The following ANK2 variants were observed in gnomAD, a reference collection of about 807,000 sequenced individuals.
ANK2 encodes ankyrin-2.
ANK2 carries 83 observed loss-of-function variants against 360.5 expected under a neutral mutation model. The ratio of observed to expected loss-of-function variants is 0.23; its 90% CI spans 0.19 to 0.28. The LOEUF is 0.28. Ranked by LOEUF, ANK2 falls within the 10% of genes least tolerant of loss-of-function variation. ANK2 has a pLI of 1.00. For synonymous variants in ANK2, 1,740 were observed against 1,759.5 expected (o/e 0.99, Z 0.28); for missense variants, 4,201 against 4,795.7 (o/e 0.88, Z 3.66).
chr4:113,050,413 A>T (rs548118579), intron 1 of ANK2, among the ~76,000 whole-genome samples: 1 of 152,198 alleles, frequency 6.6e-6, no homozygotes, highest in South Asian at 2.1e-4. Context: ...ACAGCTAAAG[A>T]TGTTATGGGG....
rs191920809 is a variant in ANK2, at chr4:113,327,942, G to A, written c.2901-2304G>A. On this transcript the variant is annotated intron_variant, in intron 26 of 45. Transcript: ENST00000357077. The stretch of plus-strand genomic sequence containing the variant: ...ACAGTCAATGACACAATCAGGGCAA[G>A]TAATCTAACCTGTAGTTACTTAAAC... Among the ~76,000 whole-genome samples, 979 of 152,292 alleles carry A rather than the reference G, an allele frequency of 6.4e-3. 6 individuals carry two copies. Among genetic ancestry groups the A allele is most frequent in the Admixed American group, 9.6e-3 (147 of 15,298 alleles).
intron 4 of ANK2, among the ~76,000 whole-genome samples, chr4:113,220,580 A>G (rs2099139254): frequency 6.6e-6 from 1 of 152,088 alleles, no homozygotes; most frequent in Non-Finnish European, 1.5e-5. Flanking sequence ...TTTTGTTTGG[A>G]AATCCAAAGA....
upstream of ANK2, among the ~76,000 whole-genome samples, chr4:113,047,472 A>T (rs2064896243): frequency 6.6e-6 from 1 of 152,146 alleles, no homozygotes; most frequent in South Asian, 2.1e-4. Context: ...ATATTTATCG[A>T]GTAACTGAAT....
intron 1 of ANK2, among the ~76,000 whole-genome samples, chr4:112,856,780 G>T (rs76818515): frequency 5.9e-5 from 9 of 152,234 alleles, no homozygotes; most frequent in Non-Finnish European, 1.2e-4. Context: ...TGCTAGAATG[G>T]TAAGGAAAGA....
chr4:113,277,350 A>G (rs1456793427), intron 15 of ANK2, among the ~76,000 whole-genome samples: 1 of 152,200 alleles, frequency 6.6e-6, no homozygotes, highest in Non-Finnish European at 1.5e-5. Context: ...TGCAGAAAAT[A>G]TGTCAACTAA....
rs370234550 is a variant in ANK2 at position 113,077,885 on chromosome 4, A to G, written c.84+28073A>G. Among the ~76,000 whole-genome samples, 34 of 152,352 alleles carry G rather than the reference A, an allele frequency of 2.2e-4. No homozygotes were observed. The South Asian group carries it at 3.5e-3, about 16-fold the overall frequency. The stretch of plus-strand genomic sequence containing the variant: ...TTGAATGTATGCCTGCATAAAAAGC[A>G]GACACCACCCAGGATGGCTGTATCT... On this transcript the variant is annotated intron_variant, in intron 1 of 45. Coordinates refer to ENST00000357077, the MANE Select transcript of ANK2 (RefSeq NM_001148.6).
chr4:112,782,872 AAAAAAC>A, the ANK2 span, among the ~76,000 whole-genome samples: 1 of 72,030 alleles, frequency 1.4e-5, no homozygotes, highest in East Asian at 4.5e-4. Context: ...TCCATCTCAA[AAAAAAC>A]AAAAAACAAA....
chr4:113,121,177 A>G (rs1182524532), intron 1 of ANK2, among the ~76,000 whole-genome samples: 1 of 152,192 alleles, frequency 6.6e-6, no homozygotes, highest in Non-Finnish European at 1.5e-5. Flanking sequence ...CGTGCTGTTA[A>G]CCATGATAAC....
the ANK2 span, among the ~76,000 whole-genome samples, chr4:112,811,232 C>T: frequency 1.3e-5 from 2 of 152,112 alleles, no homozygotes; most frequent in African/African-American, 2.4e-5. Context: ...CCACCGCGCC[C>T]GGCCACGAGA....
chr4:112,910,808 GT>G (rs1401951280), intron 2 of ANK2, among the ~76,000 whole-genome samples: 1 of 152,100 alleles, frequency 6.6e-6, no homozygotes, highest in East Asian at 1.9e-4. Context: ...TAGAGGCAAT[GT>G]TTAAAAAAAT....
chr4:113,247,654 T>C (rs182370482), intron 9 of ANK2, among the ~76,000 whole-genome samples: 47 of 152,312 alleles, frequency 3.1e-4, no homozygotes, highest in Admixed American at 1.9e-3. Context: ...GCAAGTTAAA[T>C]AGGGTGAGAA....
intron 4 of ANK2, among the ~76,000 whole-genome samples, chr4:113,216,897 T>C (rs1024222011): frequency 6.6e-6 from 1 of 152,290 alleles, no homozygotes; most frequent in African/African-American, 2.4e-5. Context: ...CACTATTTTT[T>C]TTTTTAAAGG....
intron 2 of ANK2, among the ~76,000 whole-genome samples, chr4:112,960,690 T>C (rs2034335679): frequency 6.6e-6 from 1 of 152,188 alleles, no homozygotes; most frequent in Non-Finnish European, 1.5e-5. Flanking sequence ...AATGATAAAT[T>C]AGTGATAATC....
chr4:113,151,748 G>A (rs11929834), intron 1 of ANK2, among the ~76,000 whole-genome samples: 49,927 of 151,800 alleles, frequency 0.33, 8,659 homozygotes, highest in African/African-American at 0.38. Context: ...TACATAAAAT[G>A]CAATGGTTAC....
In ANK2 at chr4:112,831,376, GCT is replaced by G. The variant is rs544898562; in HGVS notation, c.-40+13115_-40+13116del. Among the ~76,000 whole-genome samples, 82 of 152,144 alleles carry G rather than the reference GCT, an allele frequency of 5.4e-4. No homozygotes were observed. In the East Asian group the frequency reaches 0.012, roughly 23 times the overall value. On this transcript the variant is annotated intron_variant, in intron 1 of 30. Transcript: ENST00000503271. ...AAGGTTTGTAAACGCACCAATCAGTGCTCTGTGTCTAGCTAATCTAGTGGGGA... is the reference window on the plus strand; with the variant it reads ...AAGGTTTGTAAACGCACCAATCAGTGCTGTGTCTAGCTAATCTAGTGGGGA...
At chr4:112,816,046 G>A (rs2149483414), upstream of ANK2, among the ~76,000 whole-genome samples, 1 of 152,306 alleles carries the variant, frequency 6.6e-6, no homozygotes, top group South Asian at 2.1e-4. Flanking sequence ...ACAAAAGTGT[G>A]GGTAACCTGG....
intron 1 of ANK2, among the ~76,000 whole-genome samples, chr4:113,100,520 G>A (rs2086962): frequency 0.48 from 73,556 of 151,930 alleles, 18,813 homozygotes; most frequent in African/African-American, 0.64. Flanking sequence ...GTCATTCATT[G>A]ATGTTAAGAA....
chr4:113,123,226 T>C (rs977114795), intron 1 of ANK2, among the ~76,000 whole-genome samples: 40 of 152,190 alleles, frequency 2.6e-4, no homozygotes, highest in Admixed American at 6.5e-4. Flanking sequence ...AATTAATTCT[T>C]TCGTTACCTT....
chr4:113,365,369 C>T (rs1203838128), intron 41 of ANK2, among the ~76,000 whole-genome samples, 187 bp downstream of exon 41: 1 of 151,964 alleles, frequency 6.6e-6, no homozygotes, highest in Non-Finnish European at 1.5e-5. Context: ...ACACACCCTC[C>T]CACCTCCGCT....
Sources: allele counts gnomAD v4.1 joint callset (sites outside exome capture counted in the v4.1 genomes callset), GRCh38; gene constraint gnomAD v4.1.1; transcripts MANE v1.5; gene names NCBI Gene and HGNC (gene_info 2026-07-23, HGNC 2026-07-21).